Variants in CDH9 observed in about 807,000 individuals in gnomAD.
CDH9 encodes cadherin 9.
CDH9 carries 28 observed loss-of-function variants against 70.9 expected under a neutral mutation model. That is an observed-to-expected ratio of 0.40 (90% CI 0.29 to 0.54). The LOEUF is 0.54. CDH9 is among the 20% of genes least tolerant of loss of function. The pLI is 0.59. For synonymous variants in CDH9, 409 were observed against 343.1 expected (o/e 1.19, Z -2.12); for missense variants, 874 against 984.4 (o/e 0.89, Z 1.50).
intron 1 of CDH9, among the ~76,000 whole-genome samples, chr5:27,001,741 C>A (rs1385040504): frequency 2.0e-5 from 3 of 151,730 alleles, no homozygotes; most frequent in Non-Finnish European, 2.9e-5. Flanking sequence ...GAATCAGGAT[C>A]CTTCAAAAAA....
intron 1 of CDH9, among the ~76,000 whole-genome samples, chr5:27,018,422 C>T (rs968118351): frequency 4.0e-5 from 6 of 151,546 alleles, no homozygotes; most frequent in Non-Finnish European, 8.8e-5. Context: ...TAATTGAAGA[C>T]AAAATATTAT....
At chr5:26,899,205 C>T (rs754448403) in intron 7 of CDH9, among the ~76,000 whole-genome samples, 2 of 149,992 alleles carry the variant, frequency 1.3e-5, no homozygotes, top group Non-Finnish European at 3.0e-5. Context: ...AATAGGAACA[C>T]TTTTACACTG....
At chr5:26,962,917 A>G (rs530002664) in intron 2 of CDH9, among the ~76,000 whole-genome samples, 5 of 152,248 alleles carry the variant, frequency 3.3e-5, no homozygotes, top group African/African-American at 9.6e-5. Flanking sequence ...CAATTTTTAA[A>G]CCAAAATTTT....
At chr5:26,945,794 G>A (rs1030589546) in intron 2 of CDH9, among the ~76,000 whole-genome samples, 9 of 152,148 alleles carry the variant, frequency 5.9e-5, no homozygotes, top group African/African-American at 2.2e-4. Context: ...AAGAGAAAGG[G>A]CTAAGTCAAA....
intron 2 of CDH9, among the ~76,000 whole-genome samples, chr5:26,948,782 A>G (rs184850999): frequency 1.3e-5 from 2 of 152,324 alleles, no homozygotes; most frequent in Admixed American, 6.5e-5. Flanking sequence ...GCTATTGACA[A>G]TGGGTGACAA....
At chr5:27,002,555 T>C (rs1742789326) in intron 1 of CDH9, among the ~76,000 whole-genome samples, 1 of 152,060 alleles carries the variant, frequency 6.6e-6, no homozygotes, top group Middle Eastern at 3.4e-3. Context: ...ATTAAGAAAA[T>C]GTGGCACATA....
intron 2 of CDH9, among the ~76,000 whole-genome samples, chr5:26,927,043 A>G (rs1015361701): frequency 2.0e-5 from 3 of 152,022 alleles, no homozygotes; most frequent in Non-Finnish European, 4.4e-5. Context: ...CAGATTAAAA[A>G]GAATATTTAT....
At chr5:26,969,723 A>G (rs996650238) in intron 2 of CDH9, among the ~76,000 whole-genome samples, 1 of 151,996 alleles carries the variant, frequency 6.6e-6, no homozygotes, top group Non-Finnish European at 1.5e-5. Context: ...TTGCACTGGT[A>G]TTGATACTTC....
intron 1 of CDH9, among the ~76,000 whole-genome samples, chr5:27,004,436 T>C (rs1742824633): frequency 6.6e-6 from 1 of 152,160 alleles, no homozygotes. Context: ...CATAAGGATT[T>C]GTGGCAGAAG....
chr5:27,006,312 T>C (rs1453109141), intron 1 of CDH9, among the ~76,000 whole-genome samples: 1 of 152,188 alleles, frequency 6.6e-6, no homozygotes, highest in East Asian at 1.9e-4. Context: ...TCAGGTCTTC[T>C]TCATTTTCCT....
intron 2 of CDH9, among the ~76,000 whole-genome samples, chr5:26,956,036 C>T (rs1439298902): frequency 6.6e-6 from 1 of 152,152 alleles, no homozygotes; most frequent in Non-Finnish European, 1.5e-5. Flanking sequence ...GTAAGAGATA[C>T]TTAGGCCACG....
intron 2 of CDH9, among the ~76,000 whole-genome samples, chr5:26,938,188 T>G (rs944724743): frequency 6.7e-6 from 1 of 149,482 alleles, no homozygotes; most frequent in African/African-American, 2.5e-5. Context: ...CAAAAATGCA[T>G]AGTTACAAAA....
intron 2 of CDH9, among the ~76,000 whole-genome samples, chr5:26,954,384 C>CTTTTTTTT (rs141394776): frequency 1.4e-3 from 25 of 18,364 alleles, no homozygotes; most frequent in African/African-American, 2.8e-3. Context: ...ATTATACAGC[C>CTTTTTTTT]TTTCTTTTTT....
At chr5:26,910,535 C>A (rs1294870079) in intron 3 of CDH9, among the ~76,000 whole-genome samples, 1 of 152,116 alleles carries the variant, frequency 6.6e-6, no homozygotes, top group African/African-American at 2.4e-5. Context: ...GTATATCTAT[C>A]TATCATCTGT....
chr5:26,904,082 G>A (rs16896364), intron 5 of CDH9, among the ~76,000 whole-genome samples: 16,995 of 151,606 alleles, frequency 0.11, 1,603 homozygotes, highest in East Asian at 0.48. Flanking sequence ...GACTATAGAT[G>A]GTAGGCCTGA....
In CDH9 at chr5:26,880,608, A is replaced by T. The variant is rs758178962; in HGVS notation, c.*528T>A. On this transcript the variant is annotated 3_prime_UTR_variant, in exon 12 of 12. Coordinates refer to ENST00000231021, the MANE Select transcript of CDH9 (RefSeq NM_016279.4). ...TAAATAAAATGAAATGTGTTTTATA[A>T]ATACTAGTTTATTTCATAAAAATAC... is the stretch of plus-strand genomic sequence containing the variant. 1 of 152,294 alleles carries T rather than the reference A, an allele frequency of 6.6e-6. No individual in the cohort carries two copies. The highest frequency in any genetic ancestry group is 1.5e-5 in the Non-Finnish European group (1 of 67,946). 9.4% of individuals were successfully genotyped at this position (152,294 alleles called of 1,614,324 possible). A position where few individuals can be genotyped will look rare whatever the true frequency, so the allele number is the denominator to read the frequency against.
intron 2 of CDH9, among the ~76,000 whole-genome samples, chr5:26,944,158 T>C (rs1169782177): frequency 6.6e-6 from 1 of 152,122 alleles, no homozygotes; most frequent in African/African-American, 2.4e-5. Flanking sequence ...CCTCTGTAAA[T>C]GCTGCTCTTT....
At chr5:26,886,480 A>G (rs1740569244) in intron 9 of CDH9, among the ~76,000 whole-genome samples, 1 of 152,114 alleles carries the variant, frequency 6.6e-6, no homozygotes, top group African/African-American at 2.4e-5. Context: ...AAGGACGAGT[A>G]CACAGAAGAT....
At chr5:26,882,657 A>G (rs1740486161) in intron 11 of CDH9, among the ~76,000 whole-genome samples, 2 of 152,096 alleles carry the variant, frequency 1.3e-5, no homozygotes, top group African/African-American at 4.8e-5. Context: ...CCAAGAAAAT[A>G]TCTTCAAAAC....
Sources: gnomAD v4.1 joint callset for allele counts (sites outside exome capture counted in the v4.1 genomes callset) on GRCh38, gnomAD v4.1.1 for gene constraint, MANE v1.5 for transcripts, NCBI Gene and HGNC (gene_info 2026-07-23, HGNC 2026-07-21) for gene names.